XRN2: variants seen among roughly 807,000 people sequenced by gnomAD.
XRN2 encodes DHM1-like protein.
XRN2 carries 44 observed loss-of-function variants against 138.5 expected under a neutral mutation model. The ratio of observed to expected loss-of-function variants is 0.32; its 90% CI spans 0.25 to 0.41. XRN2 has a LOEUF of 0.41. Among genes scored for constraint, XRN2 ranks in the 10% least tolerant of loss-of-function variants. XRN2 has a pLI of 1.00. For synonymous variants in XRN2, 354 were observed against 369.4 expected (o/e 0.96, Z 0.48); for missense variants, 937 against 1,169.3 (o/e 0.80, Z 2.90).
At chr20:21,325,660 G>A (rs1285959665) in intron 1 of XRN2, among the ~76,000 whole-genome samples, 1 of 152,158 alleles carries the variant, frequency 6.6e-6, no homozygotes, top group Non-Finnish European at 1.5e-5. Context: ...AGAGTGAGTG[G>A]GCTTCAACAA....
chr20:21,356,195 G>C lies in XRN2; in HGVS notation c.2118+18G>C. On this transcript the variant is annotated intron_variant, in intron 22 of 29. Coordinates refer to ENST00000377191, the MANE Select transcript of XRN2 (RefSeq NM_012255.5). ...CCACAGAGGTATGTTACGCAATTTGGTTAATTAGAAATGCACTTTTTAAAA... is the reference window on the plus strand; with the variant it reads ...CCACAGAGGTATGTTACGCAATTTGCTTAATTAGAAATGCACTTTTTAAAA... The C allele has an allele frequency of 2.5e-6, 4 of 1,571,978 alleles. No homozygotes were observed. Among genetic ancestry groups the C allele is most frequent in the African/African-American group, 1.4e-5 (1 of 72,942 alleles).
In XRN2 at chr20:21,354,865, A is replaced by G. The variant is rs375470845; in HGVS notation, c.2013A>G (p.Pro671=). ...AAGAGGTATACCCAGACCTCACTCC[A>G]GAAGAGAGTAAGAATTATACTTCTT... ...ALEEVYPDLT[P]EETRRNSLGG... is the part of the protein sequence containing the mutation. Residue 671 remains proline (P), a synonymous_variant, in exon 21 of 30, where the codon CCA becomes CCG. Coordinates refer to ENST00000377191, the MANE Select transcript of XRN2 (RefSeq NM_012255.5). 8.2e-5 allele frequency: 132 copies of G among 1,612,928 alleles called. No homozygotes were observed. Among genetic ancestry groups the G allele is most frequent in the Non-Finnish European group, 9.8e-5 (116 of 1,179,312 alleles).
intron 1 of XRN2, among the ~76,000 whole-genome samples, chr20:21,325,865 T>C (rs1303456988): frequency 2.0e-5 from 3 of 152,208 alleles, no homozygotes; most frequent in Admixed American, 6.5e-5. Flanking sequence ...GTTGTTGTGC[T>C]CTTTTAGGTT....
intron 3 of XRN2, 139 bp from the exon 4 acceptor site, chr20:21,328,420 G>A: frequency 1.2e-6 from 1 of 837,106 alleles, no homozygotes; most frequent in Non-Finnish European, 1.8e-6. Flanking sequence ...TATCTGTCAT[G>A]AAAGGATTAT....
intron 24 of XRN2, among the ~76,000 whole-genome samples, chr20:21,360,181 G>A (rs1011028779): frequency 2.6e-5 from 4 of 152,134 alleles, no homozygotes; most frequent in Admixed American, 2.6e-4. Flanking sequence ...GAGGGTAAGT[G>A]CATATGTGTG....
chr20:21,368,414 G>A (rs2038726328), intron 26 of XRN2, 49 bp from the exon 27 acceptor site: 1 of 1,601,602 alleles, frequency 6.2e-7, no homozygotes, highest in Non-Finnish European at 8.5e-7. Context: ...GTGTTATGAT[G>A]GGTATATCAC....
intron 1 of XRN2, among the ~76,000 whole-genome samples, chr20:21,323,643 A>G (rs556942200): frequency 2.6e-5 from 4 of 152,318 alleles, no homozygotes; most frequent in South Asian, 4.1e-4. Context: ...CAGTTTTCTT[A>G]CTGGGAATAC....
chr20:21,372,090 A>G (rs1447504031), intron 27 of XRN2, among the ~76,000 whole-genome samples: 1 of 152,236 alleles, frequency 6.6e-6, no homozygotes, highest in East Asian at 1.9e-4. Context: ...TTACGTCATG[A>G]AAAAATTGGG....
intron 27 of XRN2, 59 bp from the exon 28 acceptor site, chr20:21,381,926 AAATATTGGG>A: frequency 7.7e-7 from 1 of 1,295,708 alleles, no homozygotes. Flanking sequence ...TTTAATTATA[AAATATTGGG>A]TAGTTGAATA....
chr20:21,326,723 C>T (rs1600681654), intron 3 of XRN2, 122 bp downstream of exon 3: 1 of 762,238 alleles, frequency 1.3e-6, no homozygotes, highest in African/African-American at 1.8e-5. Flanking sequence ...GAAAGAAAGC[C>T]TCATCCTTCA....
At chr20:21,364,818 A>G (rs2122304412) in intron 24 of XRN2, among the ~76,000 whole-genome samples, 1 of 152,112 alleles carries the variant, frequency 6.6e-6, no homozygotes, top group South Asian at 2.1e-4. Context: ...AAAAAAAAAA[A>G]AAGCATATTT....
At chr20:21,329,859 GT>G (rs2038180030) in intron 4 of XRN2, among the ~76,000 whole-genome samples, 2 of 9,438 alleles carry the variant, frequency 2.1e-4, no homozygotes, top group African/African-American at 6.3e-4. Flanking sequence ...TCTAACTGGT[GT>G]GTGTGTGTGT....
chr20:21,347,257 A>G (rs999022071), intron 17 of XRN2, among the ~76,000 whole-genome samples: 1 of 152,252 alleles, frequency 6.6e-6, no homozygotes, highest in African/African-American at 2.4e-5. Flanking sequence ...AGGAATTTGA[A>G]TGCTACGCTT....
chr20:21,304,348 CTTTT>C (rs111498218), intron 1 of XRN2, among the ~76,000 whole-genome samples: 2 of 137,014 alleles, frequency 1.5e-5, no homozygotes, highest in Non-Finnish European at 3.2e-5. Context: ...CTTATTTCTG[CTTTT>C]TTTTTTTTTT....
rs113223918 is a variant in XRN2, at chr20:21,359,805, T to C, written c.2255+2013T>C. ...TTAAATTTGCTTTATAACTTTAACTTACAATTTTCAGATTTAAAAAATCTC... is the reference window on the plus strand; with the variant it reads ...TTAAATTTGCTTTATAACTTTAACTCACAATTTTCAGATTTAAAAAATCTC... On this transcript the variant is annotated intron_variant, in intron 24 of 29. Transcript: ENST00000377191. Among the ~76,000 whole-genome samples, 106 of 152,300 alleles carry C rather than the reference T, an allele frequency of 7.0e-4. 2 individuals carry two copies. The highest frequency in any genetic ancestry group is 2.4e-3 in the African/African-American group (98 of 41,568).
At chr20:21,350,552 A>G (rs1000442878) in intron 20 of XRN2, among the ~76,000 whole-genome samples, 4 of 147,074 alleles carry the variant, frequency 2.7e-5, no homozygotes, top group Non-Finnish European at 4.5e-5. Flanking sequence ...AAAAAAAAAA[A>G]AGAAATATCT....
intron 1 of XRN2, among the ~76,000 whole-genome samples, chr20:21,320,271 T>TTATTTATG (rs1260155230): frequency 7.3e-4 from 107 of 146,344 alleles, no homozygotes; most frequent in Middle Eastern, 3.4e-3. Context: ...CATCATTTAT[T>TTATTTATG]TATTTATGTA....
intron 1 of XRN2, among the ~76,000 whole-genome samples, chr20:21,320,295 GTATT>G (rs1464861300): frequency 2.0e-5 from 3 of 148,120 alleles, no homozygotes; most frequent in African/African-American, 7.5e-5. Context: ...ATTTATTTAT[GTATT>G]TATTTATTTA....
rs2037819567 is a variant in XRN2, at chr20:21,306,987, A to T, written c.75+3514A>T. 2.6e-5 allele frequency among the ~76,000 whole-genome samples: 2 copies of T among 76,938 alleles called. 1 individual carries two copies. Among genetic ancestry groups the T allele is most frequent in the Non-Finnish European group, 6.1e-5 (2 of 32,604 alleles). The allele number at this position is 76,938 out of a possible 152,430, so 50.5% of individuals were successfully genotyped here. ...CGCCACTGCACTCCAGCCTGGTGACAGAGCGAGACTCCATCTCAGAAAAAT... is the reference window on the plus strand; with the variant it reads ...CGCCACTGCACTCCAGCCTGGTGACTGAGCGAGACTCCATCTCAGAAAAAT... On this transcript the variant is annotated intron_variant, in intron 1 of 29. Coordinates refer to ENST00000377191, the MANE Select transcript of XRN2 (RefSeq NM_012255.5).
Sources: gnomAD v4.1 joint callset for allele counts (sites outside exome capture counted in the v4.1 genomes callset) on GRCh38, gnomAD v4.1.1 for gene constraint, MANE v1.5 for transcripts, NCBI Gene and HGNC (gene_info 2026-07-23, HGNC 2026-07-21) for gene names.